The following DLGAP1 variants were observed in gnomAD, a reference collection of about 807,000 sequenced individuals.
The protein encoded by DLGAP1 is DLG associated protein 1.
Under a neutral mutation model 90.8 loss-of-function variants are expected in DLGAP1, and 11 were observed. The ratio of observed to expected loss-of-function variants is 0.12; its 90% confidence interval spans 0.08 to 0.20. The LOEUF (loss-of-function observed/expected upper bound fraction) is 0.20, where lower values mean the gene tolerates loss of function less well. Among genes scored for constraint, DLGAP1 ranks in the 10% least tolerant of loss-of-function variants. The probability of loss-of-function intolerance (pLI) is 1.00; values close to 1 mark genes in which losing one functional copy is unlikely to be tolerated. For synonymous variants in DLGAP1, 558 were observed against 540.7 expected (o/e 1.03, Z -0.44); for missense variants, 1,050 against 1,333.8 (o/e 0.79, Z 3.31).
intron 10 of DLGAP1, among the ~76,000 whole-genome samples, chr18:3,510,233 C>T (rs72856869): frequency 1.3e-5 from 2 of 152,090 alleles, no homozygotes; most frequent in African/African-American, 4.8e-5. Context: ...CTCTACTTTC[C>T]CATCCGTAAA....
At chr18:4,190,921 T>C in intron 1 of DLGAP1, among the ~76,000 whole-genome samples, 1 of 152,164 alleles carries the variant, frequency 6.6e-6, no homozygotes, top group Non-Finnish European at 1.5e-5. Flanking sequence ...GTTATTTTCA[T>C]TTTGAAATAT....
At chr18:4,251,990 G>T (rs1465327929) in intron 1 of DLGAP1, among the ~76,000 whole-genome samples, 1 of 152,216 alleles carries the variant, frequency 6.6e-6, no homozygotes, top group Non-Finnish European at 1.5e-5. Context: ...CTGGCTCTCC[G>T]TGAGCTCTGG....
rs2062355189 is a variant in DLGAP1 at position 3,729,832 on chromosome 18, G to C, written c.1351-457C>G. Among the ~76,000 whole-genome samples the C allele has an allele frequency of 6.6e-6, 1 of 152,186 alleles. No homozygotes were observed. Among genetic ancestry groups the C allele is most frequent in the Non-Finnish European group, 1.5e-5 (1 of 68,026 alleles). ...TGGAGAAGAATTTTACCAGTCCATTGTCAGAGTTCATGTATTTTGGTATCA... is the reference window on the plus strand; with the variant it reads ...TGGAGAAGAATTTTACCAGTCCATTCTCAGAGTTCATGTATTTTGGTATCA... On this transcript the variant is annotated intron_variant, in intron 6 of 12. Transcript: ENST00000315677. The surrounding 1 kb of genome is among the most constrained non-coding windows in gnomAD (Gnocchi z 6.2).
At chr18:4,188,870 T>C (rs911095571) in intron 1 of DLGAP1, among the ~76,000 whole-genome samples, 7 of 152,182 alleles carry the variant, frequency 4.6e-5, no homozygotes, top group African/African-American at 1.4e-4. Flanking sequence ...CATAAAGTCA[T>C]TGACAGATTA....
At chr18:3,587,717 G>T (rs997014577) in intron 7 of DLGAP1, among the ~76,000 whole-genome samples, 1 of 151,966 alleles carries the variant, frequency 6.6e-6, no homozygotes, top group Non-Finnish European at 1.5e-5. Flanking sequence ...TCATTGTGAG[G>T]GTCTGTGGCT....
intron 7 of DLGAP1, among the ~76,000 whole-genome samples, chr18:3,705,686 T>A (rs1372500188): frequency 2.6e-5 from 4 of 151,272 alleles, no homozygotes; most frequent in African/African-American, 9.7e-5. Flanking sequence ...TGAGACAGAG[T>A]CTTGCTCTGT....
chr18:4,122,396 G>C (rs1419675754), intron 2 of DLGAP1, among the ~76,000 whole-genome samples: 1 of 152,156 alleles, frequency 6.6e-6, no homozygotes, highest in Non-Finnish European at 1.5e-5. Context: ...TAATTCCCAA[G>C]AAAGGCCTTT....
At chr18:4,316,939 G>A (rs1003246267) in intron 1 of DLGAP1, among the ~76,000 whole-genome samples, 3 of 152,132 alleles carry the variant, frequency 2.0e-5, no homozygotes, top group African/African-American at 4.8e-5. Flanking sequence ...TAGGGGTTTC[G>A]TTGGCTTTTT....
chr18:3,685,488 C>T (rs1429239113), intron 7 of DLGAP1, among the ~76,000 whole-genome samples: 5 of 142,260 alleles, frequency 3.5e-5, no homozygotes, highest in East Asian at 4.2e-4. Flanking sequence ...GGCGTGAACC[C>T]GGGAGGCAGA....
chr18:3,509,340 C>A (rs149366764), intron 10 of DLGAP1, among the ~76,000 whole-genome samples: 1 of 152,168 alleles, frequency 6.6e-6, no homozygotes, highest in Non-Finnish European at 1.5e-5. Context: ...AGGGTGAATT[C>A]CCTAGGCACT....
chr18:4,246,083 G>A (rs1161575377), intron 1 of DLGAP1, among the ~76,000 whole-genome samples: 3 of 152,282 alleles, frequency 2.0e-5, no homozygotes, highest in South Asian at 2.1e-4. Flanking sequence ...AAGAGTGTGT[G>A]TGTTTATTCC....
At chr18:3,814,016 C>T in intron 5 of DLGAP1, 43 bp downstream of exon 5, 1 of 1,594,198 alleles carries the variant, frequency 6.3e-7, no homozygotes. Flanking sequence ...GGTGATAATA[C>T]AAGCACCTGG....
At chr18:3,553,619 C>T (rs919183160) in intron 9 of DLGAP1, among the ~76,000 whole-genome samples, 3 of 152,090 alleles carry the variant, frequency 2.0e-5, no homozygotes, top group Admixed American at 6.5e-5. Flanking sequence ...CTGCAACCTC[C>T]GTCTTCCGGG....
At chr18:3,735,632 T>A (rs904822788) in intron 6 of DLGAP1, among the ~76,000 whole-genome samples, 1 of 152,202 alleles carries the variant, frequency 6.6e-6, no homozygotes, top group African/African-American at 2.4e-5. Flanking sequence ...AATATGTTAG[T>A]CCAACTCTCT....
intron 7 of DLGAP1, among the ~76,000 whole-genome samples, chr18:3,591,381 A>T (rs1005376351): frequency 2.6e-5 from 4 of 152,140 alleles, no homozygotes; most frequent in Non-Finnish European, 5.9e-5. Flanking sequence ...CAGGAAAGGC[A>T]TGTAGGATTA....
At position 3,757,437 on chromosome 18, in the gene DLGAP1, G is replaced by A. The variant is rs140934000; in HGVS notation, c.1173-14925C>T. 7.0e-4 allele frequency among the ~76,000 whole-genome samples: 106 copies of A among 151,914 alleles called. 2 individuals carry two copies. The highest frequency in any genetic ancestry group is 2.3e-3 in the African/African-American group (95 of 41,448). The stretch of plus-strand genomic sequence containing the variant: ...TTAAATAAATAAATAAATAAATGGT[G>A]CAAGGAAAGGAAACTACCTACTAAT... On this transcript the variant is annotated intron_variant, in intron 5 of 12. Coordinates refer to ENST00000315677, the MANE Select transcript of DLGAP1 (RefSeq NM_004746.4).
chr18:4,147,236 C>A (rs772837333), intron 2 of DLGAP1, among the ~76,000 whole-genome samples: 18 of 152,122 alleles, frequency 1.2e-4, no homozygotes, highest in African/African-American at 4.1e-4. Flanking sequence ...ACACAACCAG[C>A]GGCTCTTTCA....
At chr18:3,780,599 C>A (rs1353552625) in intron 5 of DLGAP1, among the ~76,000 whole-genome samples, 2 of 152,140 alleles carry the variant, frequency 1.3e-5, no homozygotes, top group African/African-American at 2.4e-5. Context: ...CTGGATCATT[C>A]CAGATAATCT....
At position 3,975,466 on chromosome 18, in the gene DLGAP1, T is replaced by A. The variant is rs549225977; in HGVS notation, c.-73+29650A>T. Among the ~76,000 whole-genome samples the A allele has an allele frequency of 9.2e-5, 14 of 152,280 alleles. No homozygotes were observed. In the South Asian group the frequency reaches 2.5e-3, roughly 27 times the overall value. ...AACAGAAAGTGAGTGTTGGCAAAGATGTGGAGAAATTGGAACCCTTGAACG... is the reference window on the plus strand; with the variant it reads ...AACAGAAAGTGAGTGTTGGCAAAGAAGTGGAGAAATTGGAACCCTTGAACG... On this transcript the variant is annotated intron_variant, in intron 3 of 12. Coordinates refer to ENST00000315677, the MANE Select transcript of DLGAP1 (RefSeq NM_004746.4).
Sources: gnomAD v4.1 joint callset for allele counts (sites outside exome capture counted in the v4.1 genomes callset) on GRCh38, gnomAD v4.1.1 for gene constraint, Gnocchi (gnomAD v3.1) non-coding constraint, MANE v1.5 for transcripts, NCBI Gene and HGNC (gene_info 2026-07-23, HGNC 2026-07-21) for gene names.